The following ME2 variants were observed in gnomAD, a reference collection of about 807,000 sequenced individuals.
The protein encoded by ME2 is NAD-dependent malic enzyme, mitochondrial.
ME2 carries 60 observed loss-of-function variants against 73.7 expected under a neutral mutation model. That is an observed-to-expected ratio of 0.81 (90% CI 0.66 to 1.01). The LOEUF is 1.01. Among genes scored for constraint, ME2 ranks in the 50% least tolerant of loss-of-function variants. The pLI is 0.00. For missense variants in ME2, 594 were observed against 705.5 expected (o/e 0.84, Z 1.79); for synonymous variants, 199 against 236.9 (o/e 0.84, Z 1.47).
chr18:50,935,154 A>G (rs949222517), intron 13 of ME2: 1 of 152,164 alleles, frequency 6.6e-6, no homozygotes, highest in Non-Finnish European at 1.5e-5. Context: ...AGCGGAAGCA[A>G]ACAAAAATTT....
chr18:50,880,987 TAAA>T (rs1020405833), intron 1 of ME2, among the ~76,000 whole-genome samples: 10 of 152,240 alleles, frequency 6.6e-5, no homozygotes, highest in African/African-American at 2.4e-4. Context: ...TATATTAAGT[TAAA>T]AACTCTAATT....
chr18:50,941,424 T>TG (rs1475733258), intron 15 of ME2, among the ~76,000 whole-genome samples: 1 of 129,054 alleles, frequency 7.7e-6, no homozygotes, highest in East Asian at 2.6e-4. Flanking sequence ...TTGAGTGCAG[T>TG]GGCGGAATCT....
chr18:50,914,136 A>G (rs1292861027), intron 4 of ME2, among the ~76,000 whole-genome samples: 1 of 152,166 alleles, frequency 6.6e-6, no homozygotes, highest in East Asian at 1.9e-4. Flanking sequence ...TTCTGATGAA[A>G]AAGAAAAAAG....
At chr18:50,908,509 G>A (rs1413300831) in intron 3 of ME2, among the ~76,000 whole-genome samples, 1 of 152,124 alleles carries the variant, frequency 6.6e-6, no homozygotes, top group Non-Finnish European at 1.5e-5. Flanking sequence ...CACCTGCTTT[G>A]TGTTTGACAC....
rs972822365 is a variant in ME2, at chr18:50,911,426, A to C, written c.243-1375A>C. 4.6e-5 allele frequency among the ~76,000 whole-genome samples: 7 copies of C among 152,336 alleles called. No individual in the cohort carries two copies. In the South Asian group the frequency reaches 1.0e-3, roughly 23 times the overall value. On this transcript the variant is annotated intron_variant, in intron 3 of 15. Transcript: ENST00000321341. ...TATTAATAGTTCCTGGAACTATAGAAGTATATGAGGTGATCATTTCTAACT... is the reference window on the plus strand; with the variant it reads ...TATTAATAGTTCCTGGAACTATAGACGTATATGAGGTGATCATTTCTAACT...
chr18:50,916,556 T>C (rs1917290580), intron 5 of ME2: 1 of 193,420 alleles, frequency 5.2e-6, no homozygotes, highest in Admixed American at 6.0e-5. Context: ...GTAAAGAAAA[T>C]ACATTAAAAT....
intron 4 of ME2, among the ~76,000 whole-genome samples, chr18:50,913,745 C>T (rs1333821678): frequency 3.3e-5 from 5 of 151,824 alleles, no homozygotes; most frequent in Admixed American, 6.6e-5. Context: ...TTGAATGAGT[C>T]GCGTGATCCC....
intron 2 of ME2, among the ~76,000 whole-genome samples, chr18:50,896,759 A>T (rs1454321292): frequency 2.0e-5 from 3 of 152,164 alleles, no homozygotes; most frequent in African/African-American, 7.2e-5. Context: ...TATCAGGGAA[A>T]ATAGTTAATT....
At chr18:50,918,542 G>T (rs1158191028) in intron 7 of ME2, among the ~76,000 whole-genome samples, 1 of 152,082 alleles carries the variant, frequency 6.6e-6, no homozygotes, top group African/African-American at 2.4e-5. Context: ...AAGCTCTTGT[G>T]CAGCTTTTGT....
At chr18:50,920,071 T>G (rs966576308) in intron 7 of ME2, among the ~76,000 whole-genome samples, 1 of 152,216 alleles carries the variant, frequency 6.6e-6, no homozygotes, top group African/African-American at 2.4e-5. Flanking sequence ...AAATAGCAAT[T>G]ATTTTTCAAT....
intron 15 of ME2, chr18:50,945,304 G>A (rs1918057557): frequency 6.6e-6 from 1 of 152,142 alleles, no homozygotes; most frequent in Non-Finnish European, 1.5e-5. Flanking sequence ...TTTTAGTAGA[G>A]ACAGGGTTTC....
intron 1 of ME2, among the ~76,000 whole-genome samples, chr18:50,882,350 T>TTA (rs1916344593): frequency 6.6e-6 from 1 of 152,110 alleles, no homozygotes; most frequent in Admixed American, 6.6e-5. Flanking sequence ...GCTAGACTAT[T>TTA]TCGTATGGGT....
intron 1 of ME2, among the ~76,000 whole-genome samples, chr18:50,893,250 G>C (rs1441932171): frequency 6.6e-6 from 1 of 151,134 alleles, no homozygotes; most frequent in Non-Finnish European, 1.5e-5. Context: ...GTAATTTTAT[G>C]GTATTTTGAA....
intron 2 of ME2, among the ~76,000 whole-genome samples, chr18:50,902,836 A>G (rs527638805): frequency 6.6e-6 from 1 of 152,352 alleles, no homozygotes; most frequent in East Asian, 1.9e-4. Flanking sequence ...GATAAGCTGT[A>G]TAATAAATAT....
intron 7 of ME2, among the ~76,000 whole-genome samples, chr18:50,918,607 C>G (rs1038233856): frequency 6.6e-6 from 1 of 152,148 alleles, no homozygotes; most frequent in Non-Finnish European, 1.5e-5. Context: ...TTTGCACCGT[C>G]AACTCAGGTT....
chr18:50,943,635 G>A (rs1335419953), intron 15 of ME2, among the ~76,000 whole-genome samples: 1 of 151,994 alleles, frequency 6.6e-6, no homozygotes. Flanking sequence ...ACATTATTTT[G>A]GTGCCTGTAA....
In ME2 at chr18:50,947,974, ATTCT is replaced by A. The variant is rs1918127389; in HGVS notation, c.*791_*794del. Reference sequence around the variant, plus strand: ...CACATATTTTTGTTACTTCTAGATGATTCTAGGAGGGAGTATAAGATACCTAATC... The same window carrying A: ...CACATATTTTTGTTACTTCTAGATGAAGGAGGGAGTATAAGATACCTAATC... On this transcript the variant is annotated 3_prime_UTR_variant, in exon 16 of 16. Coordinates refer to ENST00000321341, the MANE Select transcript of ME2 (RefSeq NM_002396.5). The A allele has an allele frequency of 6.6e-6, 1 of 152,190 alleles. No individual in the cohort carries two copies. The highest frequency in any genetic ancestry group is 2.4e-5 in the African/African-American group (1 of 41,456). The allele number at this position is 152,190 out of a possible 1,614,324, so 9.4% of individuals were successfully genotyped here.
In ME2 at chr18:50,932,278, T is replaced by C. The variant is rs761967171; in HGVS notation, c.1335T>C (p.Ser445=). The change falls in exon 13 of 16, where the codon AGT becomes AGC. Residue 445 remains serine, a synonymous_variant. Coordinates refer to ENST00000321341, the MANE Select transcript of ME2 (RefSeq NM_002396.5). ...AACAGGGCAGGTGTTTGTTTGCCAG[T>C]GGCAGTCCATTTGGGCCAGTGAAAC... The part of the protein sequence containing the change: ...TLTEGRCLFA[S]GSPFGPVKLT... 9 of 1,612,528 alleles carry C rather than the reference T, an allele frequency of 5.6e-6. No homozygotes were observed. Among genetic ancestry groups the C allele is most frequent in the Non-Finnish European group, 7.6e-6 (9 of 1,178,896 alleles).
At chr18:50,887,427 C>T (rs1179765026) in intron 1 of ME2, among the ~76,000 whole-genome samples, 1 of 152,134 alleles carries the variant, frequency 6.6e-6, no homozygotes, top group Non-Finnish European at 1.5e-5. Flanking sequence ...TTATTGCTTG[C>T]CAGGAGACGG....
Sources: gnomAD v4.1 joint callset for allele counts (sites outside exome capture counted in the v4.1 genomes callset) on GRCh38, gnomAD v4.1.1 for gene constraint, MANE v1.5 for transcripts, NCBI Gene and HGNC (gene_info 2026-07-23, HGNC 2026-07-21) for gene names.